Variants in ZFAND5 observed in about 807,000 individuals in gnomAD.
ZFAND5 encodes zinc finger AN1-type containing 5.
In ZFAND5, 4 loss-of-function variants were observed where a neutral mutation model predicts 23.6. That is an observed-to-expected ratio of 0.17 (90% CI 0.08 to 0.39). The LOEUF is 0.39. Ranked by LOEUF, ZFAND5 falls within the 10% of genes least tolerant of loss-of-function variation. The pLI is 1.00. For synonymous variants in ZFAND5, 68 were observed against 80.6 expected (o/e 0.84, Z 0.84); for missense variants, 161 against 253.7 (o/e 0.63, Z 2.48).
chr9:72,362,443 T>C (rs979195530), intron 2 of ZFAND5, among the ~76,000 whole-genome samples: 2 of 152,264 alleles, frequency 1.3e-5, no homozygotes, highest in African/African-American at 4.8e-5. Context: ...GCTTACATTT[T>C]CTACACTGAG....
At chr9:72,364,383 C>T (rs1842198842) in intron 1 of ZFAND5, 2 of 1,174,162 alleles carry the variant, frequency 1.7e-6, no homozygotes, top group Non-Finnish European at 2.1e-6. Context: ...TCGTGGTGCC[C>T]ACGCCGGGCG....
In ZFAND5 at chr9:72,356,055, G is replaced by A. The variant is rs771326835; in HGVS notation, c.540C>T (p.Tyr180=). ...CATACGGACAGTTGTGCTTGTCAGA[G>A]TAACGGTGAAGTCCACAAAACAAAT... ...CGNLFCGLHR[Y]SDKHNCPYDY... The change falls in exon 7 of 7, where the codon TAC becomes TAT. Residue 180 remains tyrosine, a synonymous_variant. Coordinates refer to ENST00000376962, the MANE Select transcript of ZFAND5 (RefSeq NM_001102420.3). The A allele has an allele frequency of 2.5e-6, 4 of 1,613,682 alleles. No individual in the cohort carries two copies. In the Admixed American group the frequency reaches 6.7e-5, roughly 27 times the overall value.
chr9:72,361,020 T>A (rs190295724), intron 2 of ZFAND5, among the ~76,000 whole-genome samples: 46 of 152,312 alleles, frequency 3.0e-4, no homozygotes, highest in African/African-American at 1.1e-3. Context: ...ATTAGGGTAT[T>A]TTTACCTATC....
rs777611300 is a variant in ZFAND5, at chr9:72,355,864, A to T, written c.*89T>A. 40 of 1,241,134 alleles carry T rather than the reference A, an allele frequency of 3.2e-5. No homozygotes were observed. The highest frequency in any genetic ancestry group is 4.3e-5 in the Non-Finnish European group (39 of 898,194). The allele number at this position is 1,241,134 out of a possible 1,614,324, so 76.9% of individuals were successfully genotyped here. On this transcript the variant is annotated 3_prime_UTR_variant, in exon 7 of 7. Coordinates refer to ENST00000376962, the MANE Select transcript of ZFAND5 (RefSeq NM_001102420.3). The stretch of plus-strand genomic sequence containing the variant: ...TAATGTAAAACTCTGGAGAACATCA[A>T]AGAAAAATGGCCATGCATCTGCTCT...
At chr9:72,363,829 T>A (rs1335117447) in intron 1 of ZFAND5, 2 of 182,032 alleles carry the variant, frequency 1.1e-5, no homozygotes, top group East Asian at 3.8e-4. Context: ...AGAACGGGGA[T>A]GTGTGACCTA....
chr9:72,359,524 ATT>A lies in ZFAND5; in HGVS notation c.264-5_264-4del. On this transcript the variant is annotated splice_polypyrimidine_tract_variant and splice_region_variant and intron_variant, in intron 4 of 6. Coordinates refer to ENST00000376962, the MANE Select transcript of ZFAND5 (RefSeq NM_001102420.3). ...GCAAGGCAGCCACAGGCACATTTCT[ATT>A]TGAGTTCAAGCAAACAATTTTTAAA... The A allele has an allele frequency of 1.2e-6, 2 of 1,613,192 alleles. No individual in the cohort carries two copies. Among genetic ancestry groups the A allele is most frequent in the Non-Finnish European group, 1.7e-6 (2 of 1,179,506 alleles).
intron 2 of ZFAND5, among the ~76,000 whole-genome samples, chr9:72,361,223 T>A (rs759485590): frequency 6.6e-6 from 1 of 152,242 alleles, no homozygotes; most frequent in African/African-American, 2.4e-5. Flanking sequence ...TTAAACTGGA[T>A]GAATAAAGTT....
At chr9:72,364,458 C>G in intron 1 of ZFAND5, 3 of 1,275,420 alleles carry the variant, frequency 2.4e-6, no homozygotes, top group Non-Finnish European at 2.0e-6. Flanking sequence ...CATTGTTTCC[C>G]GACCGTGCTG....
At position 72,353,806 on chromosome 9, in the gene ZFAND5, T is replaced by C. The variant is rs987552255; in HGVS notation, c.*2147A>G. On this transcript the variant is annotated 3_prime_UTR_variant, in exon 7 of 7. Coordinates refer to ENST00000376962, the MANE Select transcript of ZFAND5 (RefSeq NM_001102420.3). ...TTCAACTTCTAAATTTTCAACTCAATTGTGACTTTTCATATTCAGAGAAAT... is the reference window on the plus strand; with the variant it reads ...TTCAACTTCTAAATTTTCAACTCAACTGTGACTTTTCATATTCAGAGAAAT... The C allele has an allele frequency of 6.6e-6, 1 of 152,214 alleles. No individual in the cohort carries two copies. Among genetic ancestry groups the C allele is most frequent in the African/African-American group, 2.4e-5 (1 of 41,458 alleles). 9.4% of individuals were successfully genotyped at this position (152,214 alleles called of 1,614,324 possible). A position where few individuals can be genotyped will look rare whatever the true frequency, so the allele number is the denominator to read the frequency against.
At chr9:72,364,333 G>T in intron 1 of ZFAND5, 1 of 1,067,692 alleles carries the variant, frequency 9.4e-7, no homozygotes, top group Non-Finnish European at 1.2e-6. Flanking sequence ...GCAACGGGCA[G>T]GGGGCGCGGC....
At chr9:72,356,740 T>C (rs927761445) in intron 6 of ZFAND5, among the ~76,000 whole-genome samples, 191 bp downstream of exon 6, 2 of 152,004 alleles carry the variant, frequency 1.3e-5, no homozygotes, top group African/African-American at 4.8e-5. Context: ...TTTATATGAT[T>C]AGGAGACAAA....
At position 72,354,473 on chromosome 9, in the gene ZFAND5, G is replaced by C. The variant is rs1841877488; in HGVS notation, c.*1480C>G. 6.6e-6 allele frequency: 1 copy of C among 152,522 alleles called. No homozygotes were observed. The highest frequency in any genetic ancestry group is 2.1e-4 in the South Asian group (1 of 4,820). 9.4% of individuals were successfully genotyped at this position (152,522 alleles called of 1,614,324 possible). On this transcript the variant is annotated 3_prime_UTR_variant, in exon 7 of 7. Transcript: ENST00000376962. ...ACAAGTGAAGTTTCCCTCTGTACAT[G>C]GCTTTTATTATTTACATAATACAAT... is the stretch of plus-strand genomic sequence containing the variant.
At chr9:72,364,166 A>G (rs748146138) in intron 1 of ZFAND5, 14 of 192,806 alleles carry the variant, frequency 7.3e-5, no homozygotes, top group African/African-American at 1.4e-4. Flanking sequence ...GCCTCACTCA[A>G]TAAAGCCCAA....
In ZFAND5 at chr9:72,354,525, T is replaced by C. The variant is rs1362382350; in HGVS notation, c.*1428A>G. Reference sequence around the variant, plus strand: ...TAGCATCAATGCTGAATAGCATGATTATGTGCAATACATAAATATGAACTA... The same window carrying C: ...TAGCATCAATGCTGAATAGCATGATCATGTGCAATACATAAATATGAACTA... On this transcript the variant is annotated 3_prime_UTR_variant, in exon 7 of 7. Coordinates refer to ENST00000376962, the MANE Select transcript of ZFAND5 (RefSeq NM_001102420.3). The C allele has an allele frequency of 6.5e-6, 1 of 152,790 alleles. No homozygotes were observed. The highest frequency in any genetic ancestry group is 1.9e-4 in the East Asian group (1 of 5,188). 9.5% of individuals were successfully genotyped at this position (152,790 alleles called of 1,614,324 possible). A position where few individuals can be genotyped will look rare whatever the true frequency, so the allele number is the denominator to read the frequency against.
Position 72,355,305 on chromosome 9 carries a change from CCT to C in ZFAND5, c.*646_*647del, listed in dbSNP as rs1414093796. ...TAAGCTTCAAAGGTTATCTCAAGAC[CCT>C]GTTGTTGGCTTGATGGTTTTACTTA... On this transcript the variant is annotated 3_prime_UTR_variant, in exon 7 of 7. Transcript: ENST00000376962. 1 of 152,570 alleles carries C rather than the reference CCT, an allele frequency of 6.6e-6. No individual in the cohort carries two copies. Among genetic ancestry groups the C allele is most frequent in the East Asian group, 1.9e-4 (1 of 5,200 alleles). 9.5% of individuals were successfully genotyped at this position (152,570 alleles called of 1,614,324 possible). A position where few individuals can be genotyped will look rare whatever the true frequency, so the allele number is the denominator to read the frequency against.
chr9:72,364,353 G>A, intron 1 of ZFAND5: 2 of 1,124,698 alleles, frequency 1.8e-6, no homozygotes, highest in Middle Eastern at 3.6e-4. Flanking sequence ...CCGCCGCCTC[G>A]GCCTCTTTGT....
Position 72,354,657 on chromosome 9 carries a change from A to C in ZFAND5, c.*1296T>G, listed in dbSNP as rs1270900084. On this transcript the variant is annotated 3_prime_UTR_variant, in exon 7 of 7. Coordinates refer to ENST00000376962, the MANE Select transcript of ZFAND5 (RefSeq NM_001102420.3). Reference sequence around the variant, plus strand: ...AAAACTAGGACTGAACATTGCAATAAATCAGAAGTAGTGCCTCGTGTACAT... The same window carrying C: ...AAAACTAGGACTGAACATTGCAATACATCAGAAGTAGTGCCTCGTGTACAT... 2.0e-5 allele frequency: 3 copies of C among 152,616 alleles called. No individual in the cohort carries two copies. The highest frequency in any genetic ancestry group is 4.8e-5 in the African/African-American group (2 of 41,468). The allele number at this position is 152,616 out of a possible 1,614,324, so 9.5% of individuals were successfully genotyped here.
chr9:72,357,823 C>CTAAAAA (rs1405663702), intron 5 of ZFAND5, among the ~76,000 whole-genome samples: 1 of 152,068 alleles, frequency 6.6e-6, no homozygotes, highest in Non-Finnish European at 1.5e-5. Flanking sequence ...GTTTCTCCAC[C>CTAAAAA]TAAAAAGGCT....
intron 1 of ZFAND5, chr9:72,364,459 G>A: frequency 1.6e-6 from 2 of 1,275,616 alleles, no homozygotes; most frequent in Non-Finnish European, 2.0e-6. Flanking sequence ...ATTGTTTCCC[G>A]ACCGTGCTGT....
Sources: gnomAD v4.1 joint callset for allele counts (sites outside exome capture counted in the v4.1 genomes callset) on GRCh38, gnomAD v4.1.1 for gene constraint, MANE v1.5 for transcripts, NCBI Gene and HGNC (gene_info 2026-07-23, HGNC 2026-07-21) for gene names.